GPCPD1: variants seen among roughly 807,000 people sequenced by gnomAD.
The protein encoded by GPCPD1 is glycerophosphocholine phosphodiesterase GPCPD1.
GPCPD1 carries 29 observed loss-of-function variants against 89.2 expected under a neutral mutation model. The ratio of observed to expected loss-of-function variants is 0.33; its 90% CI spans 0.24 to 0.44. GPCPD1 has a LOEUF of 0.44. GPCPD1 is among the 20% of genes least tolerant of loss of function. The probability of loss-of-function intolerance (pLI) is 1.00; values close to 1 mark genes in which losing one functional copy is unlikely to be tolerated. For synonymous variants in GPCPD1, 258 were observed against 266.3 expected, an observed-to-expected ratio of 0.97 and a Z score of 0.30; for missense variants, 594 against 808.9, an observed-to-expected ratio of 0.73 and a Z score of 3.22.
intron 4 of GPCPD1, 149 bp from the exon 5 acceptor site, chr20:5,586,418 A>G: frequency 1.8e-6 from 1 of 560,028 alleles, no homozygotes; most frequent in Non-Finnish European, 3.2e-6. Context: ...AAAAGCCTGG[A>G]ATGTACCAGA....
At chr20:5,551,608 ATATT>A (rs1985415078) in intron 19 of GPCPD1, among the ~76,000 whole-genome samples, 1 of 152,142 alleles carries the variant, frequency 6.6e-6, no homozygotes, top group Non-Finnish European at 1.5e-5. Flanking sequence ...TTTATGAAGT[ATATT>A]TAAAGCTTGA....
intron 4 of GPCPD1, among the ~76,000 whole-genome samples, chr20:5,591,957 T>C (rs988463259): frequency 6.6e-6 from 1 of 152,230 alleles, no homozygotes; most frequent in Admixed American, 6.5e-5. Flanking sequence ...AAAAACTTGT[T>C]TTTACTGTTA....
At chr20:5,605,591 C>T (rs927528540) in intron 1 of GPCPD1, among the ~76,000 whole-genome samples, 10 of 152,020 alleles carry the variant, frequency 6.6e-5, no homozygotes, top group Non-Finnish European at 1.2e-4. Context: ...CCAGCCTGAC[C>T]AACATGGAGA....
chr20:5,586,339 T>A, intron 4 of GPCPD1, 70 bp from the exon 5 acceptor site: 1 of 826,718 alleles, frequency 1.2e-6, no homozygotes, highest in Non-Finnish European at 2.1e-6. Flanking sequence ...CTCCATTAGA[T>A]GTTTGTGGCC....
chr20:5,605,459 A>T (rs1394022826), intron 1 of GPCPD1, among the ~76,000 whole-genome samples: 2 of 152,002 alleles, frequency 1.3e-5, no homozygotes, highest in African/African-American at 4.8e-5. Context: ...CTTCTAAGAC[A>T]CAATGTAACT....
Position 5,604,385 on chromosome 20 carries a change from T to C in GPCPD1, c.28A>G (p.Ile10Val). 1 of 1,556,616 alleles carries C rather than the reference T, an allele frequency of 6.4e-7. No individual in the cohort carries two copies. The highest frequency in any genetic ancestry group is 1.7e-4 in the Middle Eastern group (1 of 5,732). The change falls in exon 2 of 20, where the codon ATA (isoleucine) becomes GTA (valine). Residue 10 changes from isoleucine to valine, a missense_variant. Physicochemically the swap from Ile to Val is conservative, Grantham distance 29. Coordinates refer to ENST00000379019, the MANE Select transcript of GPCPD1 (RefSeq NM_019593.5). The stretch of plus-strand genomic sequence containing the variant: ...ATACCTGGTAAAAGAGTTCCTCTTA[T>C]TTCAAAGGCAACCTGAGAAGGTGTC... MTPSQVAFE[I>V]RGTLLPGEVF...
intron 15 of GPCPD1, among the ~76,000 whole-genome samples, chr20:5,561,754 G>A (rs1038344888): frequency 5.3e-5 from 8 of 152,230 alleles, no homozygotes; most frequent in African/African-American, 1.9e-4. Context: ...AAAAGCAGGA[G>A]TCTCAGGCAC....
chr20:5,544,694 C>G lies in GPCPD1; in HGVS notation c.*2967G>C, dbSNP rs1199423118. Reference sequence around the variant, plus strand: ...GTCCCAACCCAGTATATCAGTTAACCTCTCTGGGTTTTTTCCCAGCTACAA... The same window carrying G: ...GTCCCAACCCAGTATATCAGTTAACGTCTCTGGGTTTTTTCCCAGCTACAA... On this transcript the variant is annotated 3_prime_UTR_variant, in exon 20 of 20. Coordinates refer to ENST00000379019, the MANE Select transcript of GPCPD1 (RefSeq NM_019593.5). The G allele has an allele frequency of 1.3e-5, 2 of 152,200 alleles. No individual in the cohort carries two copies. Among genetic ancestry groups the G allele is most frequent in the Admixed American group, 6.5e-5 (1 of 15,274 alleles). The allele number at this position is 152,200 out of a possible 1,614,324, so 9.4% of individuals were successfully genotyped here. A position where few individuals can be genotyped will look rare whatever the true frequency, so the allele number is the denominator to read the frequency against.
Position 5,593,342 on chromosome 20 carries a change from G to A in GPCPD1, c.216C>T (p.Tyr72=), listed in dbSNP as rs369193448. 12 of 1,556,212 alleles carry A rather than the reference G, an allele frequency of 7.7e-6. No individual in the cohort carries two copies. The highest frequency in any genetic ancestry group is 9.8e-6 in the Non-Finnish European group (11 of 1,127,824). The stretch of plus-strand genomic sequence containing the variant: ...GAAAACATACCTTTGGTTCTAAAAA[G>A]TACCCTTTGAAGTAGCGATACTGAA... The part of the protein sequence containing the change: ...VSVQYRYFKG[Y]FLEPKTIGGP... The change falls in exon 4 of 20, where the codon TAC becomes TAT. Residue 72 remains tyrosine (Y), a synonymous_variant. Coordinates refer to ENST00000379019, the MANE Select transcript of GPCPD1 (RefSeq NM_019593.5).
chr20:5,575,590 A>C, intron 9 of GPCPD1, 45 bp from the exon 10 acceptor site: 1 of 1,346,452 alleles, frequency 7.4e-7, no homozygotes, highest in Admixed American at 1.8e-5. Flanking sequence ...AAAATGATTA[A>C]AAGGGCCATT....
chr20:5,563,780 G>A (rs1986221945), intron 15 of GPCPD1, among the ~76,000 whole-genome samples: 1 of 152,170 alleles, frequency 6.6e-6, no homozygotes, highest in Admixed American at 6.5e-5. Flanking sequence ...TTTAACCACT[G>A]AGATTTTAAT....
At chr20:5,549,202 A>T in intron 19 of GPCPD1, 1 of 682,214 alleles carries the variant, frequency 1.5e-6, no homozygotes, top group Non-Finnish European at 2.7e-6. Flanking sequence ...AGATGAAGGG[A>T]CCTCAATCAC....
chr20:5,581,832 T>C (rs1978514712), intron 6 of GPCPD1, among the ~76,000 whole-genome samples: 1 of 101,104 alleles, frequency 9.9e-6, no homozygotes, highest in Non-Finnish European at 2.3e-5. Flanking sequence ...TTTTTTTTTT[T>C]TTTTTTTTTT....
At position 5,593,293 on chromosome 20, in the gene GPCPD1, TA is replaced by T. The variant is rs1450415941; in HGVS notation, c.231+33del. ...AGTGAGTTGCTTTTGAAGGAAGTGCTAAAGGAATTGGAAACTAGATAAAGAA... is the reference window on the plus strand; with the variant it reads ...AGTGAGTTGCTTTTGAAGGAAGTGCTAAGGAATTGGAAACTAGATAAAGAA... On this transcript the variant is annotated intron_variant, in intron 4 of 19. Coordinates refer to ENST00000379019, the MANE Select transcript of GPCPD1 (RefSeq NM_019593.5). The T allele has an allele frequency of 7.5e-6, 8 of 1,069,064 alleles. No homozygotes were observed. In the East Asian group the frequency reaches 1.9e-4, roughly 25 times the overall value. 66.2% of individuals were successfully genotyped at this position (1,069,064 alleles called of 1,614,324 possible).
intron 19 of GPCPD1, among the ~76,000 whole-genome samples, chr20:5,550,548 G>A (rs1985348641): frequency 6.6e-6 from 1 of 152,130 alleles, no homozygotes; most frequent in Admixed American, 6.6e-5. Context: ...CCAAACTCTG[G>A]TAATAAAAGG....
At chr20:5,570,373 C>A in intron 11 of GPCPD1, 134 bp from the exon 12 acceptor site, 1 of 216,044 alleles carries the variant, frequency 4.6e-6, no homozygotes, top group Non-Finnish European at 9.6e-6. Context: ...GTAATGTATT[C>A]TCTTAAAACA....
At chr20:5,604,277 C>A in intron 2 of GPCPD1, 87 bp downstream of exon 2, 1 of 749,154 alleles carries the variant, frequency 1.3e-6, no homozygotes, top group South Asian at 1.5e-5. Flanking sequence ...CAGGCCCACT[C>A]TAATAGCAAC....
chr20:5,604,164 A>G (rs891830043), intron 2 of GPCPD1, among the ~76,000 whole-genome samples, 200 bp downstream of exon 2: 5 of 152,194 alleles, frequency 3.3e-5, no homozygotes, highest in Non-Finnish European at 5.9e-5. Flanking sequence ...TTGGGAAAAC[A>G]TGAGAACAAG....
intron 18 of GPCPD1, 43 bp downstream of exon 18, chr20:5,558,641 G>T: frequency 8.2e-7 from 1 of 1,213,010 alleles, no homozygotes; most frequent in Non-Finnish European, 1.2e-6. Context: ...CTCCAAAATA[G>T]AAAACAGAAC....
Sources: allele counts gnomAD v4.1 joint callset (sites outside exome capture counted in the v4.1 genomes callset), GRCh38; gene constraint gnomAD v4.1.1; transcripts MANE v1.5; gene names NCBI Gene and HGNC (gene_info 2026-07-23, HGNC 2026-07-21).